Variants in SPAG16 observed in about 807,000 individuals in gnomAD.
The protein encoded by SPAG16 is sperm-associated antigen 16 protein.
Under a neutral mutation model 80.4 loss-of-function variants are expected in SPAG16, and 86 were observed. That is an observed-to-expected ratio of 1.07 (90% CI 0.90 to 1.28). The LOEUF (loss-of-function observed/expected upper bound fraction) is 1.28, where lower values mean the gene tolerates loss of function less well. Ranked by LOEUF, SPAG16 falls within the 50% of genes most tolerant of loss-of-function variation. SPAG16 has a pLI of 0.00. For synonymous variants in SPAG16, 294 were observed against 265.9 expected, an observed-to-expected ratio of 1.11 and a Z score of -1.03; for missense variants, 870 against 765.3, an observed-to-expected ratio of 1.14 and a Z score of -1.61.
At chr2:213,795,450 G>A (rs1317408687) in intron 10 of SPAG16, among the ~76,000 whole-genome samples, 1 of 152,108 alleles carries the variant, frequency 6.6e-6, no homozygotes, top group Non-Finnish European at 1.5e-5. Flanking sequence ...TTTCTACTTA[G>A]CATCAATATA....
At chr2:213,307,222 T>C (rs953604349) in intron 3 of SPAG16, among the ~76,000 whole-genome samples, 2 of 151,982 alleles carry the variant, frequency 1.3e-5, no homozygotes, top group Non-Finnish European at 2.9e-5. Context: ...ATTATTATTA[T>C]ACTTTAAGTT....
At chr2:213,421,915 C>T (rs576989793) in intron 9 of SPAG16, among the ~76,000 whole-genome samples, 29 of 152,232 alleles carry the variant, frequency 1.9e-4, no homozygotes, top group Admixed American at 1.4e-3. Context: ...ATTGGGCTGA[C>T]GTGCCTGCAG....
intron 14 of SPAG16, among the ~76,000 whole-genome samples, chr2:214,131,571 G>A (rs1290860201): frequency 6.6e-6 from 1 of 151,890 alleles, no homozygotes; most frequent in Non-Finnish European, 1.5e-5. Flanking sequence ...CCTCCAGTAG[G>A]TGAATTGATA....
chr2:214,380,828 C>A (rs1366814859), intron 15 of SPAG16, among the ~76,000 whole-genome samples: 1 of 152,160 alleles, frequency 6.6e-6, no homozygotes, highest in African/African-American at 2.4e-5. Flanking sequence ...ACATTTTCCA[C>A]GATGTGAAGT....
At chr2:213,830,854 C>T (rs2073595783) in intron 10 of SPAG16, among the ~76,000 whole-genome samples, 2 of 152,004 alleles carry the variant, frequency 1.3e-5, no homozygotes, top group Non-Finnish European at 1.5e-5. Flanking sequence ...TATTTTTATG[C>T]ATTTGTCTTT....
intron 10 of SPAG16, among the ~76,000 whole-genome samples, chr2:213,804,360 AGGG>A (rs2125647119): frequency 6.6e-6 from 1 of 152,292 alleles, no homozygotes; most frequent in South Asian, 2.1e-4. Flanking sequence ...AGGATGGGCA[AGGG>A]GTAAGTAAGG....
chr2:213,982,461 T>C (rs964574340), intron 12 of SPAG16, among the ~76,000 whole-genome samples: 5 of 152,108 alleles, frequency 3.3e-5, no homozygotes, highest in Non-Finnish European at 5.9e-5. Context: ...TAAAATATGC[T>C]TTTTGTGTTT....
chr2:214,154,370 G>A (rs1430840642), intron 15 of SPAG16, among the ~76,000 whole-genome samples: 1 of 152,042 alleles, frequency 6.6e-6, no homozygotes, highest in Non-Finnish European at 1.5e-5. Flanking sequence ...CCAGTAGAAA[G>A]CTTATCAGTA....
At chr2:213,475,712 A>T (rs1448748628) in intron 9 of SPAG16, among the ~76,000 whole-genome samples, 3 of 152,136 alleles carry the variant, frequency 2.0e-5, no homozygotes, top group Non-Finnish European at 4.4e-5. Context: ...GGTTCCTCAG[A>T]TCTAGTTTTC....
intron 11 of SPAG16, among the ~76,000 whole-genome samples, chr2:213,875,828 A>G (rs1310664335): frequency 6.6e-6 from 1 of 152,124 alleles, no homozygotes; most frequent in Non-Finnish European, 1.5e-5. Flanking sequence ...ATTTTATTTT[A>G]TTACGGCTGT....
At chr2:213,971,579 C>T (rs1011321312) in intron 12 of SPAG16, among the ~76,000 whole-genome samples, 6 of 152,034 alleles carry the variant, frequency 3.9e-5, no homozygotes, top group African/African-American at 1.2e-4. Context: ...ATTATGCAAC[C>T]ATTACCAGAA....
At chr2:213,453,060 C>A (rs1441963320) in intron 9 of SPAG16, among the ~76,000 whole-genome samples, 3 of 152,174 alleles carry the variant, frequency 2.0e-5, no homozygotes, top group Non-Finnish European at 2.9e-5. Flanking sequence ...TCTGTTCACT[C>A]TAGGCCAGGT....
chr2:214,061,016 G>C (rs2050230777), intron 13 of SPAG16, among the ~76,000 whole-genome samples: 1 of 152,162 alleles, frequency 6.6e-6, no homozygotes, highest in Non-Finnish European at 1.5e-5. Context: ...CCTTGAGATA[G>C]CTTTTGGGAA....
At chr2:213,400,244 ATTAATGGTTGGC>A (rs1257044388) in intron 9 of SPAG16, among the ~76,000 whole-genome samples, 1 of 152,170 alleles carries the variant, frequency 6.6e-6, no homozygotes, top group African/African-American at 2.4e-5. Flanking sequence ...TACATAACTC[ATTAATGGTTGGC>A]TTTTCTACTA....
At chr2:213,827,379 A>G (rs909370594) in intron 10 of SPAG16, among the ~76,000 whole-genome samples, 2 of 152,024 alleles carry the variant, frequency 1.3e-5, no homozygotes, top group Non-Finnish European at 2.9e-5. Flanking sequence ...AGGCTTGAAA[A>G]TATCTGATAA....
At chr2:213,690,096 A>C (rs1302931011) in intron 10 of SPAG16, among the ~76,000 whole-genome samples, 1 of 152,134 alleles carries the variant, frequency 6.6e-6, no homozygotes. Context: ...CTTCGATCAC[A>C]GTAGGCATGA....
intron 13 of SPAG16, among the ~76,000 whole-genome samples, chr2:214,034,703 C>T (rs913011371): frequency 6.6e-6 from 1 of 152,190 alleles, no homozygotes; most frequent in African/African-American, 2.4e-5. Context: ...CAGCTGGCAC[C>T]AGGGAATGCT....
rs564477243 is a variant in SPAG16 at position 213,292,298 on chromosome 2, G to A, written c.137-3766G>A. Among the ~76,000 whole-genome samples the A allele has an allele frequency of 5.3e-4, 80 of 152,298 alleles. 1 individual carries two copies. The highest frequency in any genetic ancestry group is 1.8e-3 in the African/African-American group (73 of 41,542). On this transcript the variant is annotated intron_variant, in intron 1 of 15. Transcript: ENST00000331683. The stretch of plus-strand genomic sequence containing the variant: ...ACTTTCTAGGAGCTGTCTCTCAGAA[G>A]GGGTCATGCTTTTTCATAGAAAAGA...
chr2:213,366,152 A>AG (rs2066277233), intron 8 of SPAG16, among the ~76,000 whole-genome samples: 1 of 151,372 alleles, frequency 6.6e-6, no homozygotes, highest in South Asian at 2.1e-4. Flanking sequence ...AAAAAAAAAA[A>AG]AAAAAAAGAA....
Sources: gnomAD v4.1 joint callset for allele counts (sites outside exome capture counted in the v4.1 genomes callset) on GRCh38, gnomAD v4.1.1 for gene constraint, MANE v1.5 for transcripts, NCBI Gene and HGNC (gene_info 2026-07-23, HGNC 2026-07-21) for gene names.